SCAPER: variants seen among roughly 807,000 people sequenced by gnomAD.
SCAPER encodes S phase cyclin A-associated protein in the endoplasmic reticulum.
Under a neutral mutation model 182.2 loss-of-function variants are expected in SCAPER, and 98 were observed. The observed-to-expected ratio is 0.54, with a 90% confidence interval of 0.46 to 0.64. SCAPER has a LOEUF of 0.64. Ranked by LOEUF, SCAPER falls within the 30% of genes least tolerant of loss-of-function variation. The pLI, the probability that SCAPER is intolerant of heterozygous loss-of-function variation, is 0.00. For missense variants in SCAPER, 1,432 were observed against 1,690.0 expected (o/e 0.85, Z 2.68); for synonymous variants, 605 against 564.6 (o/e 1.07, Z -1.01).
intron 5 of SCAPER, among the ~76,000 whole-genome samples, chr15:76,827,532 G>C (rs1033699069): frequency 6.6e-6 from 1 of 152,042 alleles, no homozygotes; most frequent in Non-Finnish European, 1.5e-5. Flanking sequence ...TTTACAGCAG[G>C]AAAGTAATAT....
rs1222887413 is a variant in SCAPER at position 76,348,278 on chromosome 15, GAA to G, written c.*353_*354del. 1 of 156,962 alleles carries G rather than the reference GAA, an allele frequency of 6.4e-6. No homozygotes were observed. Among genetic ancestry groups the G allele is most frequent in the Non-Finnish European group, 1.4e-5 (1 of 71,464 alleles). The allele number at this position is 156,962 out of a possible 1,614,324, so 9.7% of individuals were successfully genotyped here. The stretch of plus-strand genomic sequence containing the variant: ...TTTCAGATTCGTATTTCCTTAACAT[GAA>G]AAGTCAACAATGAAAACAGAATAAG... On this transcript the variant is annotated 3_prime_UTR_variant, in exon 32 of 32. Transcript: ENST00000563290.
intron 23 of SCAPER, among the ~76,000 whole-genome samples, chr15:76,572,889 A>ACT (rs111882465): frequency 1.5e-4 from 21 of 142,936 alleles, no homozygotes; most frequent in African/African-American, 5.0e-4. Context: ...GCTTGCGTGC[A>ACT]CTCTCTCTCT....
chr15:76,550,984 T>C (rs2045722546), intron 23 of SCAPER, among the ~76,000 whole-genome samples: 2 of 151,946 alleles, frequency 1.3e-5, no homozygotes, highest in South Asian at 4.1e-4. Context: ...ATCAGGGAAA[T>C]GCAATCCAAA....
chr15:76,809,874 C>T (rs904917426), intron 5 of SCAPER, among the ~76,000 whole-genome samples: 2 of 152,164 alleles, frequency 1.3e-5, no homozygotes, highest in African/African-American at 4.8e-5. Context: ...TTACTTATTA[C>T]ACACACAGGG....
At chr15:76,838,638 G>T (rs2069161953) in intron 5 of SCAPER, among the ~76,000 whole-genome samples, 2 of 152,112 alleles carry the variant, frequency 1.3e-5, no homozygotes, top group Non-Finnish European at 1.5e-5. Flanking sequence ...TAAGATGCAG[G>T]TGCCAGTCTC....
chr15:76,603,663 C>A lies in SCAPER; in HGVS notation c.2711+18101G>T, dbSNP rs1295951310. 1.6e-5 allele frequency among the ~76,000 whole-genome samples: 2 copies of A among 121,342 alleles called. 1 individual carries two copies. Among genetic ancestry groups the A allele is most frequent in the Middle Eastern group, 9.9e-3 (2 of 202 alleles). The allele number at this position is 121,342 out of a possible 152,430, so 79.6% of individuals were successfully genotyped here. ...GTCCCACTCACAGTGTAAAAGTGTT[C>A]CTATTTCTCCACATCCTCTCCAGCA... is the stretch of plus-strand genomic sequence containing the variant. On this transcript the variant is annotated intron_variant, in intron 22 of 31. Transcript: ENST00000563290.
chr15:76,827,268 T>C (rs1026502921), intron 5 of SCAPER, among the ~76,000 whole-genome samples: 1 of 152,206 alleles, frequency 6.6e-6, no homozygotes, highest in Non-Finnish European at 1.5e-5. Context: ...TCCTGTTGCA[T>C]TATGCCAGTT....
intron 24 of SCAPER, 148 bp downstream of exon 24, chr15:76,504,711 C>T: frequency 1.7e-6 from 1 of 595,016 alleles, no homozygotes; most frequent in Non-Finnish European, 2.8e-6. Flanking sequence ...TTGAGCACCT[C>T]TGTTTTTCTC....
Position 76,579,002 on chromosome 15 carries a change from A to G in SCAPER, c.2712-4718T>C, listed in dbSNP as rs189824045. Among the ~76,000 whole-genome samples the G allele has an allele frequency of 2.3e-3, 355 of 152,270 alleles. 2 individuals carry two copies. The highest frequency in any genetic ancestry group is 8.1e-3 in the African/African-American group (337 of 41,564). ...TATCAGATACATTTAGCGAAGAGAT[A>G]AAAATAATTTAAAATAATCTTTGGG... On this transcript the variant is annotated intron_variant, in intron 22 of 31. Coordinates refer to ENST00000563290, the MANE Select transcript of SCAPER (RefSeq NM_020843.4).
chr15:76,544,593 A>G (rs1374448768), intron 23 of SCAPER, among the ~76,000 whole-genome samples: 2 of 152,174 alleles, frequency 1.3e-5, no homozygotes, highest in Non-Finnish European at 2.9e-5. Flanking sequence ...TTTTATTCAT[A>G]TAAAATGTCC....
At chr15:76,392,330 A>T (rs2043753623) in intron 27 of SCAPER, among the ~76,000 whole-genome samples, 1 of 152,232 alleles carries the variant, frequency 6.6e-6, no homozygotes, top group Non-Finnish European at 1.5e-5. Context: ...AGCATCTTAG[A>T]CAAGAAGTAA....
At position 76,773,087 on chromosome 15, in the gene SCAPER, G is replaced by A. The variant is rs11857437; in HGVS notation, c.1036-1133C>T. Among the ~76,000 whole-genome samples the A allele has an allele frequency of 8.2e-3, 1,240 of 151,690 alleles. 13 individuals are homozygous for A. Among genetic ancestry groups the A allele is most frequent in the African/African-American group, 0.028 (1,171 of 41,460 alleles). ...TATCAACATTATTTATATGTCAGTC[G>A]CCATGGTTTATAATCTTCTTGGCAA... On this transcript the variant is annotated intron_variant, in intron 9 of 31. Transcript: ENST00000563290.
chr15:76,740,215 T>C (rs1263643074), intron 15 of SCAPER, among the ~76,000 whole-genome samples: 2 of 152,192 alleles, frequency 1.3e-5, no homozygotes, highest in Non-Finnish European at 2.9e-5. Context: ...ACAGTTATTG[T>C]AGATTTTTAC....
Position 76,717,611 on chromosome 15 carries a change from AAC to A in SCAPER, c.2165+10982_2165+10983del, listed in dbSNP as rs576427783. On this transcript the variant is annotated intron_variant, in intron 17 of 31. Transcript: ENST00000563290. ...AACTTAAAACAGCTGATAACAACTT[AAC>A]AGTTGTTAAGTGTAACAGTATAAGA... Among the ~76,000 whole-genome samples, 308 of 152,308 alleles carry A rather than the reference AAC, an allele frequency of 2.0e-3. 1 individual carries two copies. The highest frequency in any genetic ancestry group is 3.4e-3 in the Admixed American group (52 of 15,290).
chr15:76,528,818 G>T (rs148112636), intron 23 of SCAPER, among the ~76,000 whole-genome samples: 1 of 152,212 alleles, frequency 6.6e-6, no homozygotes, highest in Non-Finnish European at 1.5e-5. Context: ...ACCAGTCCCT[G>T]ATTATCTCTC....
chr15:76,495,723 A>C (rs2040438482), intron 24 of SCAPER, among the ~76,000 whole-genome samples: 1 of 152,050 alleles, frequency 6.6e-6, no homozygotes, highest in Non-Finnish European at 1.5e-5. Context: ...AGAGGAACAA[A>C]ACTGCAACTC....
chr15:76,521,337 T>C (rs965138797), intron 23 of SCAPER, among the ~76,000 whole-genome samples: 1 of 151,736 alleles, frequency 6.6e-6, no homozygotes, highest in Non-Finnish European at 1.5e-5. Context: ...ATCTAGTACC[T>C]AGAATATATA....
At chr15:76,412,750 G>A (rs887963858) in intron 26 of SCAPER, among the ~76,000 whole-genome samples, 25 of 152,122 alleles carry the variant, frequency 1.6e-4, no homozygotes, top group African/African-American at 6.0e-4. Context: ...AGAAATCTCA[G>A]AGCTGACTTG....
intron 2 of SCAPER, among the ~76,000 whole-genome samples, chr15:76,882,691 G>C (rs1338744811): frequency 6.6e-6 from 1 of 152,184 alleles, no homozygotes; most frequent in Non-Finnish European, 1.5e-5. Flanking sequence ...TTGAGACGGA[G>C]TCTCGCTCTA....
Sources: allele counts gnomAD v4.1 joint callset (sites outside exome capture counted in the v4.1 genomes callset), GRCh38; gene constraint gnomAD v4.1.1; transcripts MANE v1.5; gene names NCBI Gene and HGNC (gene_info 2026-07-23, HGNC 2026-07-21).